ELP4: variants seen among roughly 807,000 people sequenced by gnomAD.
The protein encoded by ELP4 is elongator complex protein 4.
A neutral mutation model predicts 48.9 loss-of-function variants in ELP4; 51 were observed. That is an observed-to-expected ratio of 1.04 (90% CI 0.83 to 1.32). The LOEUF is 1.32. Among genes scored for constraint, ELP4 ranks in the 40% most tolerant of loss-of-function variants. ELP4 has a pLI of 0.00. For synonymous variants in ELP4, 210 were observed against 189.2 expected (o/e 1.11, Z -0.90); for missense variants, 519 against 514.6 (o/e 1.01, Z -0.08).
At chr11:31,763,448 T>C (rs1274890867) in intron 9 of ELP4, 1 of 1,609,628 alleles carries the variant, frequency 6.2e-7, no homozygotes, top group Admixed American at 1.7e-5. Context: ...GAGAGGAACA[T>C]TTATCCTCCA....
At chr11:31,628,990 C>T (rs183406286) in intron 6 of ELP4, among the ~76,000 whole-genome samples, 24 of 151,704 alleles carry the variant, frequency 1.6e-4, no homozygotes, top group South Asian at 6.2e-4. Context: ...TTTTTTTTAA[C>T]GTGTTTTCAA....
At chr11:31,731,895 G>C (rs539156189) in intron 9 of ELP4, among the ~76,000 whole-genome samples, 1 of 151,900 alleles carries the variant, frequency 6.6e-6, no homozygotes, top group South Asian at 2.1e-4. Flanking sequence ...ATGAGAATGG[G>C]ATAATATATT....
chr11:31,550,441 A>G (rs942061161), intron 3 of ELP4, among the ~76,000 whole-genome samples: 1 of 152,194 alleles, frequency 6.6e-6, no homozygotes, highest in African/African-American at 2.4e-5. Context: ...TTATTTCAAA[A>G]CATAAGCTCC....
intron 3 of ELP4, among the ~76,000 whole-genome samples, chr11:31,555,936 T>A (rs1565051403): frequency 1.3e-5 from 2 of 151,840 alleles, no homozygotes; most frequent in South Asian, 4.1e-4. Flanking sequence ...ATGCTGTAAT[T>A]GTTTGGTTTT....
intron 9 of ELP4, among the ~76,000 whole-genome samples, chr11:31,693,256 C>T (rs1946321280): frequency 6.6e-6 from 1 of 151,700 alleles, no homozygotes; most frequent in Admixed American, 6.6e-5. Flanking sequence ...TGTGCTGTAC[C>T]CATTAACTCG....
chr11:31,553,169 G>A (rs918793444), intron 3 of ELP4, among the ~76,000 whole-genome samples: 26 of 152,046 alleles, frequency 1.7e-4, no homozygotes, highest in Middle Eastern at 3.4e-3. Context: ...TGTTTCTTCC[G>A]TACAAGTCTT....
chr11:31,782,746 G>T (rs532614137), intron 9 of ELP4, among the ~76,000 whole-genome samples: 66 of 152,092 alleles, frequency 4.3e-4, no homozygotes, highest in Non-Finnish European at 8.1e-4. Context: ...CCAACATTAT[G>T]CATAGAAACA....
intron 3 of ELP4, among the ~76,000 whole-genome samples, chr11:31,541,830 T>C (rs1467036428): frequency 1.3e-5 from 2 of 152,174 alleles, no homozygotes; most frequent in Non-Finnish European, 2.9e-5. Context: ...ATAAAAGAAA[T>C]ATTACCTTTT....
intron 8 of ELP4, chr11:31,648,749 A>G (rs1464004970): frequency 6.6e-6 from 1 of 151,612 alleles, no homozygotes; most frequent in Non-Finnish European, 1.5e-5. Flanking sequence ...TCTAAAAAAT[A>G]TTATTTTGAT....
At chr11:31,763,648 C>T in intron 9 of ELP4, 1 of 1,196,808 alleles carries the variant, frequency 8.4e-7, no homozygotes, top group Non-Finnish European at 1.1e-6. Context: ...AAGGTGTTCA[C>T]ATACTGCTAT....
chr11:31,562,152 G>C (rs533382838), intron 3 of ELP4, among the ~76,000 whole-genome samples: 2 of 152,082 alleles, frequency 1.3e-5, no homozygotes, highest in African/African-American at 4.8e-5. Flanking sequence ...TAGAACCCAG[G>C]GATTAATTAC....
intron 2 of ELP4, among the ~76,000 whole-genome samples, chr11:31,531,191 A>G (rs1956390126): frequency 6.6e-6 from 1 of 152,230 alleles, no homozygotes. Context: ...GATAACTATT[A>G]TAGAATATAT....
At chr11:31,780,574 C>T (rs1416340043) in intron 9 of ELP4, 1 of 152,170 alleles carries the variant, frequency 6.6e-6, no homozygotes, top group Non-Finnish European at 1.5e-5. Flanking sequence ...AATTTTTATG[C>T]TCAGAAGTCT....
At position 31,556,942 on chromosome 11, in the gene ELP4, G is replaced by T. The variant is rs192610741; in HGVS notation, c.381+17159G>T. Among the ~76,000 whole-genome samples the T allele has an allele frequency of 2.1e-3, 317 of 151,834 alleles. 5 individuals are homozygous for T. Among genetic ancestry groups the T allele is most frequent in the Admixed American group, 0.019 (297 of 15,268 alleles). On this transcript the variant is annotated intron_variant, in intron 3 of 9. Coordinates refer to ENST00000640961, the MANE Select transcript of ELP4 (RefSeq NM_019040.5). ...TTTAACATCAAATATAACAGCAAAT[G>T]AATAATTCAAATTTAATCAATTAAG...
At chr11:31,686,785 A>G (rs866590201) in intron 9 of ELP4, among the ~76,000 whole-genome samples, 3 of 151,790 alleles carry the variant, frequency 2.0e-5, no homozygotes, top group Middle Eastern at 3.4e-3. Flanking sequence ...GGGAGGATCA[A>G]TTGAGCTGGG....
chr11:31,726,351 A>G (rs188452100), intron 9 of ELP4, among the ~76,000 whole-genome samples: 1 of 152,218 alleles, frequency 6.6e-6, no homozygotes, highest in African/African-American at 2.4e-5. Flanking sequence ...AGGAAAGGAG[A>G]CCAGGGAACT....
At chr11:31,600,237 C>A (rs1957755622) in intron 4 of ELP4, 1 of 151,978 alleles carries the variant, frequency 6.6e-6, no homozygotes, top group African/African-American at 2.4e-5. Context: ...GATTTTAATT[C>A]TCTCTAAGGT....
At chr11:31,662,021 A>G (rs1025997158) in intron 9 of ELP4, among the ~76,000 whole-genome samples, 2 of 152,046 alleles carry the variant, frequency 1.3e-5, no homozygotes, top group African/African-American at 4.8e-5. Flanking sequence ...TGAAGCTGAC[A>G]AATTCCAATC....
Position 31,632,362 on chromosome 11 carries a change from C to A in ELP4, c.884C>A (p.Ser295Tyr), listed in dbSNP as rs368506926. The change falls in exon 7 of 10, where the codon TCT (serine) becomes TAT (tyrosine). Residue 295 changes from serine (S) to tyrosine (Y), a missense_variant. Ser to Tyr is a moderately radical substitution (Grantham distance 144). Coordinates refer to ENST00000640961, the MANE Select transcript of ELP4 (RefSeq NM_019040.5). ...LYVLRGLLRT[S>Y]LSACIITMPT... ...GTTCTCCGTGGTCTTCTGAGAACCT[C>A]TCTTTCAGCCTGCATCATCACAATG... is the stretch of plus-strand genomic sequence containing the variant. 1 of 1,612,502 alleles carries A rather than the reference C, an allele frequency of 6.2e-7. No individual in the cohort carries two copies. Among genetic ancestry groups the A allele is most frequent in the Non-Finnish European group, 8.5e-7 (1 of 1,179,446 alleles).
Sources: allele counts gnomAD v4.1 joint callset (sites outside exome capture counted in the v4.1 genomes callset), GRCh38; gene constraint gnomAD v4.1.1; transcripts MANE v1.5; gene names NCBI Gene and HGNC (gene_info 2026-07-23, HGNC 2026-07-21).